Variants in RYR3 observed in about 807,000 individuals in gnomAD.
The protein encoded by RYR3 is ryanodine receptor 3.
Under a neutral mutation model 584.3 loss-of-function variants are expected in RYR3, and 207 were observed. The observed-to-expected ratio is 0.35, with a 90% CI of 0.32 to 0.40. The LOEUF is 0.40. Among genes scored for constraint, RYR3 ranks in the 10% least tolerant of loss-of-function variants. The pLI is 1.00. For synonymous variants in RYR3, 2,416 were observed against 2,248.5 expected (o/e 1.07, Z -2.11); for missense variants, 5,616 against 6,089.2 (o/e 0.92, Z 2.59).
chr15:33,368,254 A>G (rs1318412105), intron 1 of RYR3, among the ~76,000 whole-genome samples: 1 of 151,554 alleles, frequency 6.6e-6, no homozygotes, highest in East Asian at 1.9e-4. Context: ...ATCCAAATAT[A>G]TAACATCGGA....
chr15:33,649,066 C>A lies in RYR3; in HGVS notation c.3979-6C>A. 1 of 1,612,142 alleles carries A rather than the reference C, an allele frequency of 6.2e-7. No individual in the cohort carries two copies. Among genetic ancestry groups the A allele is most frequent in the South Asian group, 1.1e-5 (1 of 90,920 alleles). The stretch of plus-strand genomic sequence containing the variant: ...CCATTGACTCCCCTCTGCGGTCTCT[C>A]CACAGCAGTGCTACTACGCCATCCG... On this transcript the variant is annotated splice_polypyrimidine_tract_variant and splice_region_variant and intron_variant, in intron 30 of 103. Coordinates refer to ENST00000634891, the MANE Select transcript of RYR3 (RefSeq NM_001036.6).
At position 33,662,226 on chromosome 15, in the gene RYR3, A is replaced by G. The variant is rs1293139021; in HGVS notation, c.4696A>G (p.Ser1566Gly). 6.2e-7 allele frequency: 1 copy of G among 1,609,220 alleles called. No individual in the cohort carries two copies. Residue 1566 changes from serine (S) to glycine (G), a missense_variant, in exon 35 of 104, where the codon AGC (serine) becomes GGC (glycine). By Grantham distance (56) the Ser-to-Gly change is moderately conservative. Transcript: ENST00000634891. ...CCATTACCACACGCTGAGGCTCTACAGCGCGGTGTGCGCCCTGGGAAACAG... is the reference window on the plus strand; with the variant it reads ...CCATTACCACACGCTGAGGCTCTACGGCGCGGTGTGCGCCCTGGGAAACAG... ...RFHYHTLRLYSAVCALGNSRV... is the reference protein window; with the variant it reads ...RFHYHTLRLYGAVCALGNSRV...
At chr15:33,567,366 A>G (rs987015909) in intron 12 of RYR3, among the ~76,000 whole-genome samples, 2 of 152,204 alleles carry the variant, frequency 1.3e-5, no homozygotes, top group Non-Finnish European at 2.9e-5. Context: ...ACCATGAGAA[A>G]CTGATTCTGT....
intron 38 of RYR3, among the ~76,000 whole-genome samples, chr15:33,685,562 G>A (rs2064944644): frequency 6.6e-6 from 1 of 152,176 alleles, no homozygotes; most frequent in South Asian, 2.1e-4. Context: ...GGATATCCAG[G>A]AATTGAACTC....
chr15:33,372,540 G>A (rs1039726567), intron 1 of RYR3, among the ~76,000 whole-genome samples: 7 of 151,478 alleles, frequency 4.6e-5, no homozygotes, highest in Admixed American at 4.6e-4. Context: ...AATTTTTTTG[G>A]ATTTTTAGTA....
At chr15:33,321,764 C>T (rs1489249839) in intron 1 of RYR3, among the ~76,000 whole-genome samples, 1 of 152,156 alleles carries the variant, frequency 6.6e-6, no homozygotes, top group Admixed American at 6.5e-5. Flanking sequence ...CTTTTGGTCT[C>T]CTTAAAGAAA....
At chr15:33,795,470 C>A (rs2075556630) in intron 67 of RYR3, among the ~76,000 whole-genome samples, 1 of 141,004 alleles carries the variant, frequency 7.1e-6, no homozygotes, top group East Asian at 2.3e-4. Context: ...TCTTGGCTCA[C>A]TGTAACCTCT....
At position 33,750,279 on chromosome 15, in the gene RYR3, G is replaced by C. The variant is rs1428988235; in HGVS notation, c.8392G>C (p.Val2798Leu). The C allele has an allele frequency of 6.2e-7, 1 of 1,610,720 alleles. No homozygotes were observed. Among genetic ancestry groups the C allele is most frequent in the Non-Finnish European group, 8.5e-7 (1 of 1,178,508 alleles). The change falls in exon 57 of 104, where the codon GTT becomes CTT. Residue 2798 changes from valine to leucine, a missense_variant. By Grantham distance (32) the Val-to-Leu change is conservative. This residue lies in a region of RYR3 where 1,280 missense variants were observed against 1,426.2 expected (regional missense o/e 0.90). Coordinates refer to ENST00000634891, the MANE Select transcript of RYR3 (RefSeq NM_001036.6). ...GTTCCTCCAAGTGAATGGCATCATA[G>C]TTTCCAGGTAAGTCACCTTCCATGT... ...FKFLQVNGIIVSRGMKDMELD... is the reference protein window; with the variant it reads ...FKFLQVNGIILSRGMKDMELD...
At chr15:33,797,126 G>A (rs2075673836) in intron 67 of RYR3, among the ~76,000 whole-genome samples, 1 of 152,184 alleles carries the variant, frequency 6.6e-6, no homozygotes, top group South Asian at 2.1e-4. Context: ...GCTGAGGGAT[G>A]AGAAATTACT....
intron 9 of RYR3, among the ~76,000 whole-genome samples, chr15:33,548,634 C>G (rs565882472): frequency 1.3e-5 from 2 of 152,308 alleles, no homozygotes; most frequent in Admixed American, 6.5e-5. Flanking sequence ...AAGATGTAAA[C>G]TTCACTGGAA....
chr15:33,486,217 C>T (rs2050406011), intron 2 of RYR3, among the ~76,000 whole-genome samples: 1 of 152,186 alleles, frequency 6.6e-6, no homozygotes. Context: ...ACAAATTATT[C>T]TCTTGCAGTT....
chr15:33,401,707 T>A (rs759106298), intron 1 of RYR3, among the ~76,000 whole-genome samples: 1 of 152,208 alleles, frequency 6.6e-6, no homozygotes, highest in Non-Finnish European at 1.5e-5. Context: ...TAAGGATACA[T>A]CTCAAAATGT....
At chr15:33,843,645 C>A in intron 92 of RYR3, 71 bp downstream of exon 92, 4 of 1,070,672 alleles carry the variant, frequency 3.7e-6, no homozygotes, top group East Asian at 2.6e-5. Context: ...GAAAAAGAAT[C>A]ATGACAGAAT....
At chr15:33,371,823 A>G (rs2040356515) in intron 1 of RYR3, among the ~76,000 whole-genome samples, 1 of 152,180 alleles carries the variant, frequency 6.6e-6, no homozygotes, top group Non-Finnish European at 1.5e-5. Context: ...GCTGCCTACA[A>G]GTCCAAGCCC....
intron 19 of RYR3, among the ~76,000 whole-genome samples, chr15:33,617,906 G>C (rs1566793214): frequency 6.6e-6 from 1 of 152,122 alleles, no homozygotes; most frequent in East Asian, 1.9e-4. Context: ...TGCCTCCATA[G>C]TTTTCTTCTC....
At chr15:33,511,132 T>G (rs2052946683) in intron 3 of RYR3, among the ~76,000 whole-genome samples, 1 of 152,182 alleles carries the variant, frequency 6.6e-6, no homozygotes. Flanking sequence ...GTGGATTTTT[T>G]TTTTAAATGT....
intron 2 of RYR3, among the ~76,000 whole-genome samples, chr15:33,492,464 C>CAA (rs61324117): frequency 0.029 from 4,164 of 145,506 alleles, 75 homozygotes; most frequent in African/African-American, 0.053. Flanking sequence ...TCTCTCAAAG[C>CAA]AAAAAAAAAA....
rs191890181 is a variant in RYR3, at chr15:33,791,559, G to A, written c.9830+3101G>A. Among the ~76,000 whole-genome samples, 8 of 152,224 alleles carry A rather than the reference G, an allele frequency of 5.3e-5. No individual in the cohort carries two copies. The East Asian group carries it at 1.5e-3, about 29-fold the overall frequency. On this transcript the variant is annotated intron_variant, in intron 67 of 103. Coordinates refer to ENST00000634891, the MANE Select transcript of RYR3 (RefSeq NM_001036.6). ...ATGAGGGGTGGTTCCCAGGGAGAGTGGAAGAATAGATGCACCAGGGAGATG... is the reference window on the plus strand; with the variant it reads ...ATGAGGGGTGGTTCCCAGGGAGAGTAGAAGAATAGATGCACCAGGGAGATG...
In RYR3 at chr15:33,600,616, A is replaced by C. The variant is rs575641595; in HGVS notation, c.1789-803A>C. Among the ~76,000 whole-genome samples, 23 of 152,212 alleles carry C rather than the reference A, an allele frequency of 1.5e-4. No homozygotes were observed. In the East Asian group the frequency reaches 4.1e-3, roughly 27 times the overall value. On this transcript the variant is annotated intron_variant, in intron 16 of 103. Coordinates refer to ENST00000634891, the MANE Select transcript of RYR3 (RefSeq NM_001036.6). ...GGGCAAAAGCAGTTTAATGTCTTAG[A>C]TTCATGGGCCACCTGGGATCTTGAA...
Sources: gnomAD v4.1 joint callset for allele counts (sites outside exome capture counted in the v4.1 genomes callset) on GRCh38, gnomAD v4.1.1 for gene constraint, gnomAD v4.1.1 regional missense constraint, MANE v1.5 for transcripts, NCBI Gene and HGNC (gene_info 2026-07-23, HGNC 2026-07-21) for gene names.